Variants in KIAA1217 observed in about 807,000 individuals in gnomAD.
KIAA1217 encodes the protein sickle tail protein homolog.
In KIAA1217, 88 loss-of-function variants were observed where a neutral mutation model predicts 163.9. That is an observed-to-expected ratio of 0.54 (90% CI 0.45 to 0.64). The LOEUF is 0.64. Among genes scored for constraint, KIAA1217 ranks in the 30% least tolerant of loss-of-function variants. The pLI, the probability that KIAA1217 is intolerant of heterozygous loss-of-function variation, is 0.00. For synonymous variants in KIAA1217, 903 were observed against 923.1 expected (o/e 0.98, Z 0.39); for missense variants, 2,372 against 2,475.0 (o/e 0.96, Z 0.88).
intron 8 of KIAA1217, among the ~76,000 whole-genome samples, chr10:24,499,484 G>A (rs973891956): frequency 2.6e-5 from 4 of 152,176 alleles, no homozygotes; most frequent in African/African-American, 9.7e-5. Flanking sequence ...TGTAATCCCA[G>A]CACTTTGGGA....
chr10:24,283,075 C>T (rs370237415), intron 2 of KIAA1217, among the ~76,000 whole-genome samples: 22 of 151,892 alleles, frequency 1.4e-4, no homozygotes, highest in Admixed American at 9.2e-4. Context: ...TCAGGTGATC[C>T]ACCCACCTCG....
At chr10:23,818,968 G>A (rs1433491148) in intron 1 of KIAA1217, among the ~76,000 whole-genome samples, 2 of 152,138 alleles carry the variant, frequency 1.3e-5, no homozygotes, top group Admixed American at 1.3e-4. Flanking sequence ...TGTACATAAT[G>A]TGTTTAAAAT....
intron 3 of KIAA1217, among the ~76,000 whole-genome samples, chr10:24,414,288 A>G (rs1389476121): frequency 2.6e-5 from 4 of 152,246 alleles, no homozygotes; most frequent in African/African-American, 9.6e-5. Context: ...TGCTTGTTAT[A>G]TAAGCATAAT....
intron 1 of KIAA1217, among the ~76,000 whole-genome samples, chr10:23,784,500 TTTTG>T (rs919278422): frequency 6.6e-6 from 1 of 152,158 alleles, no homozygotes; most frequent in Admixed American, 6.5e-5. Context: ...GTGGGGTTTT[TTTTG>T]TTTGTTTGTT....
chr10:24,503,436 G>A (rs1165291364), intron 9 of KIAA1217, among the ~76,000 whole-genome samples: 1 of 152,216 alleles, frequency 6.6e-6, no homozygotes, highest in East Asian at 1.9e-4. Context: ...GAAATGAAGT[G>A]TACGGGTTGG....
At chr10:23,980,762 G>A (rs1033950288) in intron 1 of KIAA1217, among the ~76,000 whole-genome samples, 3 of 152,130 alleles carry the variant, frequency 2.0e-5, no homozygotes, top group Admixed American at 1.3e-4. Flanking sequence ...GGCAAATTAT[G>A]ACTTGGGTCA....
At chr10:24,203,531 T>TC (rs1226935203) in intron 2 of KIAA1217, among the ~76,000 whole-genome samples, 2 of 151,906 alleles carry the variant, frequency 1.3e-5, no homozygotes, top group South Asian at 2.1e-4. Flanking sequence ...CTTGATTGGT[T>TC]CCCCTTCCTT....
chr10:23,862,708 T>C (rs1001613727), intron 1 of KIAA1217, among the ~76,000 whole-genome samples: 12 of 151,806 alleles, frequency 7.9e-5, no homozygotes, highest in African/African-American at 2.7e-4. Context: ...GACAAAGAAA[T>C]CAAAATGGTA....
At chr10:24,060,225 T>C (rs914020266) in intron 2 of KIAA1217, among the ~76,000 whole-genome samples, 1 of 152,170 alleles carries the variant, frequency 6.6e-6, no homozygotes, top group African/African-American at 2.4e-5. Flanking sequence ...TTCTGCCAAC[T>C]TTTAGACTTA....
rs1278997436 is a variant in KIAA1217 at position 24,189,107 on chromosome 10, AAAAAAAAAAAAAG to A, written c.-170-30514_-170-30502del. Among the ~76,000 whole-genome samples, 9 of 143,970 alleles carry A rather than the reference AAAAAAAAAAAAAG, an allele frequency of 6.3e-5. 1 individual carries two copies. In the South Asian group the frequency reaches 2.0e-3, roughly 33 times the overall value. 94.4% of individuals were successfully genotyped at this position (143,970 alleles called of 152,430 possible). On this transcript the variant is annotated intron_variant, in intron 2 of 18. Coordinates refer to the KIAA1217 transcript ENST00000376462. Reference sequence around the variant, plus strand: ...GGTGACAGAGCGAGACTCTGTCTCAAAAAAAAAAAAAAGAAAAGAAAAAGAAAGCTTCATATTC... The same window carrying A: ...GGTGACAGAGCGAGACTCTGTCTCAAAAAAGAAAAAGAAAGCTTCATATTC...
At chr10:23,968,759 G>A (rs905216767) in intron 1 of KIAA1217, among the ~76,000 whole-genome samples, 1 of 152,010 alleles carries the variant, frequency 6.6e-6, no homozygotes, top group Non-Finnish European at 1.5e-5. Flanking sequence ...CTTTAATTTT[G>A]CATCATGTTT....
chr10:24,161,758 C>T (rs2065131178), intron 2 of KIAA1217, among the ~76,000 whole-genome samples: 2 of 152,168 alleles, frequency 1.3e-5, no homozygotes, highest in African/African-American at 2.4e-5. Context: ...ATTAAGCCTC[C>T]ACTGTTAAAG....
At chr10:24,094,645 G>A (rs933278730) in intron 2 of KIAA1217, among the ~76,000 whole-genome samples, 7 of 152,206 alleles carry the variant, frequency 4.6e-5, no homozygotes, top group Admixed American at 6.5e-5. Flanking sequence ...GCCCCTACTG[G>A]GGGATGCCTC....
intron 10 of KIAA1217, among the ~76,000 whole-genome samples, chr10:24,514,882 C>T (rs1337752839): frequency 1.3e-5 from 2 of 151,764 alleles, no homozygotes; most frequent in African/African-American, 2.4e-5. Context: ...GTCCCAGCTA[C>T]TCAGGAGGCT....
In KIAA1217 at chr10:24,542,860, C is replaced by T. The variant is rs1375598840; in HGVS notation, c.3613-23C>T. 1.9e-6 allele frequency: 3 copies of T among 1,609,254 alleles called. No individual in the cohort carries two copies. In the South Asian group the frequency reaches 3.3e-5, roughly 18 times the overall value. On this transcript the variant is annotated intron_variant, in intron 18 of 20. Coordinates refer to ENST00000376454, the MANE Select transcript of KIAA1217 (RefSeq NM_019590.5). Reference sequence around the variant, plus strand: ...CATTGCTGATTAACGTGTGTGGTTTCCCTCCTCCGTTCTCCCTCTCAGGTT... The same window carrying T: ...CATTGCTGATTAACGTGTGTGGTTTTCCTCCTCCGTTCTCCCTCTCAGGTT...
intron 2 of KIAA1217, among the ~76,000 whole-genome samples, chr10:24,128,592 T>G (rs2063547812): frequency 6.6e-6 from 1 of 152,172 alleles, no homozygotes; most frequent in Non-Finnish European, 1.5e-5. Flanking sequence ...TCATCCATGT[T>G]AGAAGTGAAA....
At chr10:24,189,112 A>G (rs1234023290) in intron 2 of KIAA1217, among the ~76,000 whole-genome samples, 1 of 149,010 alleles carries the variant, frequency 6.7e-6, no homozygotes, top group Admixed American at 6.7e-5. Flanking sequence ...TCTCAAAAAA[A>G]AAAAAAAGAA....
intron 2 of KIAA1217, among the ~76,000 whole-genome samples, chr10:24,282,733 C>T (rs1041312102): frequency 1.3e-5 from 2 of 148,932 alleles, no homozygotes; most frequent in Admixed American, 6.8e-5. Flanking sequence ...CCAGGCTCAT[C>T]TTCTACATTT....
intron 2 of KIAA1217, among the ~76,000 whole-genome samples, chr10:24,257,524 T>C (rs988756902): frequency 1.3e-5 from 2 of 152,160 alleles, no homozygotes; most frequent in Admixed American, 6.5e-5. Context: ...GACCCTTTTT[T>C]AGTTGCATTA....
Sources: allele counts gnomAD v4.1 joint callset (sites outside exome capture counted in the v4.1 genomes callset), GRCh38; gene constraint gnomAD v4.1.1; transcripts MANE v1.5; gene names NCBI Gene and HGNC (gene_info 2026-07-23, HGNC 2026-07-21).